Variants in MRE11 observed in about 807,000 individuals in gnomAD.
MRE11 encodes MRE11 double strand break repair nuclease.
In MRE11, 62 loss-of-function variants were observed where a neutral mutation model predicts 91.7. The ratio of observed to expected loss-of-function variants is 0.68; its 90% CI spans 0.55 to 0.84. The LOEUF is 0.84. Among genes scored for constraint, MRE11 ranks in the 40% least tolerant of loss-of-function variants. MRE11 has a pLI of 0.00. For synonymous variants in MRE11, 273 were observed against 271.4 expected (o/e 1.01, Z -0.06); for missense variants, 796 against 852.9 (o/e 0.93, Z 0.83).
At chr11:94,445,950 A>G in intron 15 of MRE11, 57 bp from the exon 16 acceptor site, 1 of 1,227,486 alleles carries the variant, frequency 8.1e-7, no homozygotes, top group East Asian at 2.3e-5. Context: ...GGTTTATTTC[A>G]TACAACACTA....
chr11:94,465,507 C>T (rs906526924), intron 10 of MRE11, among the ~76,000 whole-genome samples: 2 of 151,380 alleles, frequency 1.3e-5, no homozygotes, highest in African/African-American at 2.4e-5. Flanking sequence ...GCGATTCTCA[C>T]GCTTCAGCCT....
rs876659349 is a variant in MRE11, at chr11:94,420,166, G to A, written c.2086C>T (p.Pro696Ser). Residue 696 changes from proline to serine, a missense_variant, in exon 20 of 20, where the codon CCT becomes TCT. Transcript: ENST00000323929. Reference sequence around the variant, plus strand: ...CTTAAAGAACTAGTGTTCATAAAAGGATCATCATCATCATCCTGAAATGAG... The same window carrying A: ...CTTAAAGAACTAGTGTTCATAAAAGAATCATCATCATCATCCTGAAATGAG... ...FESSEDDDDD[P>S]FMNTSSLRRN... 3 of 1,582,100 alleles carry A rather than the reference G, an allele frequency of 1.9e-6. No homozygotes were observed. The highest frequency in any genetic ancestry group is 1.7e-6 in the Non-Finnish European group (2 of 1,157,958).
chr11:94,478,590 C>A, intron 6 of MRE11, 145 bp downstream of exon 6: 4 of 987,846 alleles, frequency 4.0e-6, no homozygotes, highest in South Asian at 1.8e-5. Flanking sequence ...AAATTTTTAC[C>A]AAAACCATCC....
the MRE11 span, among the ~76,000 whole-genome samples, chr11:94,500,278 A>G: frequency 6.6e-6 from 1 of 152,232 alleles, no homozygotes; most frequent in East Asian, 1.9e-4. Flanking sequence ...CTTGTTTCCA[A>G]TAAGGACCTA....
At chr11:94,499,406 A>G in the MRE11 span, 1 of 152,232 alleles carries the variant, frequency 6.6e-6, no homozygotes, top group Non-Finnish European at 1.5e-5. Context: ...TTTACAGAGT[A>G]TACAGGCAAA....
chr11:94,466,837 A>G (rs914366328), intron 10 of MRE11, among the ~76,000 whole-genome samples: 5 of 152,082 alleles, frequency 3.3e-5, no homozygotes, highest in African/African-American at 1.2e-4. Flanking sequence ...TAAAGACTAC[A>G]CTCCTCAGTA....
At chr11:94,476,461 AT>A (rs1380847963) in intron 6 of MRE11, 58 bp from the exon 7 acceptor site, 6 of 1,166,076 alleles carry the variant, frequency 5.1e-6, no homozygotes, top group African/African-American at 1.5e-5. Flanking sequence ...TAAAAAATGA[AT>A]CTATTTTGCT....
At chr11:94,489,949 C>G (rs1408461606) in intron 3 of MRE11, among the ~76,000 whole-genome samples, 2 of 152,136 alleles carry the variant, frequency 1.3e-5, no homozygotes, top group Non-Finnish European at 2.9e-5. Flanking sequence ...ACTGTCATCC[C>G]TTTGCCCTCA....
intron 3 of MRE11, among the ~76,000 whole-genome samples, chr11:94,487,178 T>A (rs1947163162): frequency 6.6e-6 from 1 of 152,180 alleles, no homozygotes; most frequent in Admixed American, 6.5e-5. Flanking sequence ...ATTCTGGAGA[T>A]TGGTTGCACA....
At chr11:94,423,042 G>A (rs1945215465) in intron 19 of MRE11, among the ~76,000 whole-genome samples, 1 of 152,102 alleles carries the variant, frequency 6.6e-6, no homozygotes, top group South Asian at 2.1e-4. Context: ...AATTTTTAGT[G>A]GAAGAAGGAC....
At chr11:94,496,593 T>C, upstream of MRE11, 1 of 1,100,102 alleles carries the variant, frequency 9.1e-7, no homozygotes, top group East Asian at 2.4e-5. Context: ...CTTTTGTATT[T>C]GTGTTTTCAG....
intron 3 of MRE11, among the ~76,000 whole-genome samples, chr11:94,489,248 C>T (rs1270561278): frequency 6.6e-6 from 1 of 151,118 alleles, no homozygotes; most frequent in Non-Finnish European, 1.5e-5. Flanking sequence ...AGAAGTCGGC[C>T]CCACCAAGAT....
intron 16 of MRE11, among the ~76,000 whole-genome samples, 154 bp from the exon 17 acceptor site, chr11:94,437,389 G>A (rs1019323602): frequency 1.3e-5 from 2 of 152,098 alleles, no homozygotes; most frequent in Non-Finnish European, 2.9e-5. Flanking sequence ...AAATCTAAAG[G>A]GAGATAGAAT....
chr11:94,469,639 C>T (rs1946655743), intron 9 of MRE11, among the ~76,000 whole-genome samples: 1 of 152,090 alleles, frequency 6.6e-6, no homozygotes, highest in Admixed American at 6.6e-5. Flanking sequence ...AGCTGTGACA[C>T]TGAATGAGTC....
chr11:94,457,819 G>A (rs1591669957), intron 13 of MRE11, among the ~76,000 whole-genome samples: 1 of 151,498 alleles, frequency 6.6e-6, no homozygotes, highest in Non-Finnish European at 1.5e-5. Flanking sequence ...TTGAACACGG[G>A]TGTCTGGTCA....
intron 11 of MRE11, among the ~76,000 whole-genome samples, chr11:94,461,718 C>T (rs1946419841): frequency 6.6e-6 from 1 of 152,146 alleles, no homozygotes; most frequent in Admixed American, 6.5e-5. Context: ...TTAGAAAACC[C>T]CATCGTCTCA....
chr11:94,504,545 T>C, the MRE11 span, among the ~76,000 whole-genome samples: 3 of 152,222 alleles, frequency 2.0e-5, no homozygotes, highest in African/African-American at 7.2e-5. Context: ...TTTGAAAAGA[T>C]GGTTAGTTAC....
chr11:94,490,259 C>T (rs981415678), intron 3 of MRE11, among the ~76,000 whole-genome samples: 15 of 152,120 alleles, frequency 9.9e-5, no homozygotes, highest in Non-Finnish European at 1.8e-4. Context: ...CCTAACATAC[C>T]TTATACTGTC....
chr11:94,476,923 T>C (rs1946876720), intron 6 of MRE11, among the ~76,000 whole-genome samples: 1 of 152,124 alleles, frequency 6.6e-6, no homozygotes, highest in Non-Finnish European at 1.5e-5. Context: ...TTTTGCCACG[T>C]TGGACAGGCT....
Sources: gnomAD v4.1 joint callset for allele counts (sites outside exome capture counted in the v4.1 genomes callset) on GRCh38, gnomAD v4.1.1 for gene constraint, MANE v1.5 for transcripts, NCBI Gene and HGNC (gene_info 2026-07-23, HGNC 2026-07-21) for gene names.